Variants in VARS1 observed in about 807,000 individuals in gnomAD.
The protein encoded by VARS1 is valyl-tRNA synthetase 1.
VARS1 carries 92 observed loss-of-function variants against 161.0 expected under a neutral mutation model. The observed-to-expected ratio is 0.57, with a 90% CI of 0.48 to 0.68. VARS1 has a LOEUF of 0.68. VARS1 is among the 30% of genes least tolerant of loss of function. The probability of loss-of-function intolerance (pLI) is 0.00; values close to 1 mark genes in which losing one functional copy is unlikely to be tolerated. For missense variants in VARS1, 1,338 were observed against 1,695.9 expected, an observed-to-expected ratio of 0.79 and a Z score of 3.71; for synonymous variants, 595 against 682.5, an observed-to-expected ratio of 0.87 and a Z score of 2.00.
chr6:31,779,481 G>A lies in VARS1; in HGVS notation c.3344C>T (p.Thr1115Met), dbSNP rs373279419. Residue 1115 changes from threonine (T) to methionine (M), a missense_variant, in exon 28 of 30, where the codon ACG becomes ATG. Physicochemically the swap from Thr to Met is moderately conservative, Grantham distance 81. Transcript: ENST00000375663. The surrounding 1 kb of genome is among the most constrained non-coding windows in gnomAD (Gnocchi z 9.1). ...EAALELALSI[T>M]RAVRSLRADY... is the part of the protein sequence containing the mutation. Reference sequence around the variant, plus strand: ...GGCCCGCAGGGAGCGCACGGCTCGCGTGATGCTTAGCGCCAGCTCAAGGGC... The same window carrying A: ...GGCCCGCAGGGAGCGCACGGCTCGCATGATGCTTAGCGCCAGCTCAAGGGC... 5.0e-6 allele frequency: 8 copies of A among 1,612,704 alleles called. No individual in the cohort carries two copies. Among genetic ancestry groups the A allele is most frequent in the Middle Eastern group, 1.6e-4 (1 of 6,084 alleles).
chr6:31,790,025 G>C (rs186708406), intron 8 of VARS1, among the ~76,000 whole-genome samples: 1 of 150,454 alleles, frequency 6.6e-6, no homozygotes, highest in African/African-American at 2.4e-5. Context: ...TGCAAGACCC[G>C]TCTCAAAAAA....
chr6:31,786,669 A>T (rs1813531329), intron 8 of VARS1, among the ~76,000 whole-genome samples: 2 of 146,188 alleles, frequency 1.4e-5, no homozygotes, highest in Non-Finnish European at 3.1e-5. Context: ...CTGTCTCAAA[A>T]AAAAAAAAAA....
In VARS1 at chr6:31,782,802, T is replaced by A. The variant is rs1341102001; in HGVS notation, c.1806A>T (p.Glu602Asp). ...CCTCCAGCCCGTGCCGCTGCCCAAC[T>A]TCATAGTCATTTTGGTCATGTGCGG... ...ITPAHDQNDYEVGQRHGLEAI... is the reference protein window; with the variant it reads ...ITPAHDQNDYDVGQRHGLEAI... Residue 602 changes from glutamate to aspartate, a missense_variant, in exon 15 of 30, where the codon GAA becomes GAT. Around this residue, in one of 3 missense-constraint regions of VARS1, gnomAD observed 902 missense variants for 1,090.3 expected, o/e 0.83. Transcript: ENST00000375663. The surrounding 1 kb of genome is among the most constrained non-coding windows in gnomAD (Gnocchi z 8.3). The A allele has an allele frequency of 6.2e-7, 1 of 1,612,982 alleles. No homozygotes were observed. Among genetic ancestry groups the A allele is most frequent in the South Asian group, 1.1e-5 (1 of 91,070 alleles).
In VARS1 at chr6:31,791,692, A is replaced by C; in HGVS notation, c.1018T>G (p.Cys340Gly). The change falls in exon 8 of 30, where the codon TGC becomes GGC. Residue 340 changes from cysteine to glycine, a missense_variant. Transcript: ENST00000375663. The surrounding 1 kb of genome is among the most constrained non-coding windows in gnomAD (Gnocchi z 5.0). ...AANPRGVFMM[C>G]IPPPNVTGSL... is the part of the protein sequence containing the mutation. ...CCTGTCACATTGGGGGGTGGGATGC[A>C]CATCATGAAGACACCTCGGGGATTT... The C allele has an allele frequency of 6.2e-7, 1 of 1,613,084 alleles. No homozygotes were observed.
rs1020392629 is a variant in VARS1 at position 31,780,371 on chromosome 6, T to C, written c.2925+70A>G. The C allele has an allele frequency of 5.7e-6, 9 of 1,568,820 alleles. No homozygotes were observed. Among genetic ancestry groups the C allele is most frequent in the Non-Finnish European group, 7.8e-6 (9 of 1,156,718 alleles). ...GTGTCTATCTGTCCCCCCAGCTACA[T>C]GGAGGCTGCTCCGGACAGGGGTACA... On this transcript the variant is annotated intron_variant, in intron 25 of 29. Coordinates refer to ENST00000375663, the MANE Select transcript of VARS1 (RefSeq NM_006295.3). The surrounding 1 kb of genome is among the most constrained non-coding windows in gnomAD (Gnocchi z 5.1).
intron 8 of VARS1, among the ~76,000 whole-genome samples, chr6:31,786,550 C>G (rs1167759723): frequency 1.3e-5 from 2 of 151,126 alleles, no homozygotes; most frequent in African/African-American, 2.4e-5. Flanking sequence ...CCTGTAATCC[C>G]AGCTACTTGG....
At position 31,791,330 on chromosome 6, in the gene VARS1, G is replaced by A. The variant is rs1169061758; in HGVS notation, c.1100+280C>T. ...GTTGGAGACCAGACTGAGCAACAAA[G>A]TGAAAACTCATCTTTACAAAAAATT... On this transcript the variant is annotated intron_variant, in intron 8 of 29. Transcript: ENST00000375663. The surrounding 1 kb of genome is among the most constrained non-coding windows in gnomAD (Gnocchi z 5.0). Among the ~76,000 whole-genome samples the A allele has an allele frequency of 6.6e-6, 1 of 152,004 alleles. No homozygotes were observed. Among genetic ancestry groups the A allele is most frequent in the Non-Finnish European group, 1.5e-5 (1 of 67,976 alleles).
At chr6:31,786,756 A>G (rs1158513246) in intron 8 of VARS1, among the ~76,000 whole-genome samples, 1 of 151,934 alleles carries the variant, frequency 6.6e-6, no homozygotes, top group African/African-American at 2.4e-5. Flanking sequence ...ATAAGTTACT[A>G]AACAGGAACA....
Position 31,779,210 on chromosome 6 carries a change from A to C in VARS1, c.3483T>G (p.Gly1161=), listed in dbSNP as rs2151416912. The part of the protein sequence containing the change: ...SGYVQALASA[G]VVAVLALGAP... The stretch of plus-strand genomic sequence containing the variant: ...CCCCCAGGGCCAGAACAGCCACCAC[A>C]CCTGCGCTGGCCAGGGCCTGCACGT... Residue 1161 remains glycine (G), a synonymous_variant, in exon 29 of 30, where the codon GGT becomes GGG. Transcript: ENST00000375663. This position sits in a 1 kb window ranked among gnomAD's most constrained non-coding sequence, Gnocchi z 9.1. 1.9e-6 allele frequency: 3 copies of C among 1,607,168 alleles called. No individual in the cohort carries two copies. Among genetic ancestry groups the C allele is most frequent in the Non-Finnish European group, 2.5e-6 (3 of 1,178,746 alleles).
chr6:31,792,479 C>A lies in VARS1; in HGVS notation c.699G>T (p.Gln233His). Residue 233 changes from glutamine (Q) to histidine (H), a missense_variant, in exon 5 of 30, where the codon CAG becomes CAT. This residue lies in a region of VARS1 where 902 missense variants were observed against 1,090.3 expected (regional missense o/e 0.83). Coordinates refer to ENST00000375663, the MANE Select transcript of VARS1 (RefSeq NM_006295.3). The part of the protein sequence containing the change: ...EAPALPKTAA[Q>H]LKKEAKKREK... The stretch of plus-strand genomic sequence containing the variant: ...CCCGTTTCTTTGCCTCTTTCTTGAG[C>A]TGAGCAGCTGTCTTTGGGAGGGCAG... 6.2e-7 allele frequency: 1 copy of A among 1,613,988 alleles called. No homozygotes were observed. The highest frequency in any genetic ancestry group is 8.5e-7 in the Non-Finnish European group (1 of 1,179,998).
rs548042700 is a variant in VARS1 at position 31,779,233 on chromosome 6, C to T, written c.3460G>A (p.Val1154Met). The T allele has an allele frequency of 1.7e-5, 27 of 1,605,952 alleles. No homozygotes were observed. The highest frequency in any genetic ancestry group is 3.3e-5 in the Admixed American group (2 of 59,754). ...GALASAVSGY[V>M]QALASAGVVA... ...ACACCTGCGCTGGCCAGGGCCTGCA[C>T]GTAGCCCGACACCGCCGATGCCAGG... Residue 1154 changes from valine (V) to methionine (M), a missense_variant, in exon 29 of 30, where the codon GTG becomes ATG. Transcript: ENST00000375663. The surrounding 1 kb of genome is among the most constrained non-coding windows in gnomAD (Gnocchi z 9.1).
chr6:31,792,315 A>G lies in VARS1; in HGVS notation c.787-14T>C. On this transcript the variant is annotated splice_polypyrimidine_tract_variant and intron_variant, in intron 5 of 29. Transcript: ENST00000375663. ...TTTTGGTTTCTTCTGCTTGGGAGGG[A>G]GAAGACATAGGCCCAGGCATCAGCC... 2 of 1,613,094 alleles carry G rather than the reference A, an allele frequency of 1.2e-6. No homozygotes were observed. Among genetic ancestry groups the G allele is most frequent in the Middle Eastern group, 1.6e-4 (1 of 6,062 alleles).
At position 31,778,973 on chromosome 6, in the gene VARS1, T is replaced by G; in HGVS notation, c.3720A>C (p.Glu1240Asp). ...KVPLEVQEAD[E>D]AKLQQTEAEL... ...GCCCACCCAGGCCACACACCTTGGC[T>G]TCATCTGCCTCCTGGACTTCGAGCG... Residue 1240 changes from glutamate (E) to aspartate (D), a missense_variant, in exon 29 of 30, where the codon GAA becomes GAC. Physicochemically the swap from Glu to Asp is conservative, Grantham distance 45. This residue lies in a region of VARS1 where 433 missense variants were observed against 586.2 expected (regional missense o/e 0.74). Coordinates refer to ENST00000375663, the MANE Select transcript of VARS1 (RefSeq NM_006295.3). The surrounding 1 kb of genome is among the most constrained non-coding windows in gnomAD (Gnocchi z 5.1). 6.2e-7 allele frequency: 1 copy of G among 1,613,068 alleles called. No homozygotes were observed. Among genetic ancestry groups the G allele is most frequent in the Non-Finnish European group, 8.5e-7 (1 of 1,180,034 alleles).
chr6:31,781,805 GC>G lies in VARS1; in HGVS notation c.2347+41del, dbSNP rs543561819. On this transcript the variant is annotated intron_variant, in intron 19 of 29. Transcript: ENST00000375663. The surrounding 1 kb of genome is among the most constrained non-coding windows in gnomAD (Gnocchi z 6.8). The stretch of plus-strand genomic sequence containing the variant: ...CAGAGGTCAGAGGGAGTGGAGCTCT[GC>G]CCCCCACAACTCCCTCCAGACCCTC... 6.2e-7 allele frequency: 1 copy of G among 1,612,798 alleles called. No individual in the cohort carries two copies. Among genetic ancestry groups the G allele is most frequent in the African/African-American group, 1.3e-5 (1 of 74,910 alleles).
At chr6:31,789,209 A>C (rs1813712950) in intron 8 of VARS1, among the ~76,000 whole-genome samples, 2 of 152,154 alleles carry the variant, frequency 1.3e-5, no homozygotes, top group Admixed American at 6.6e-5. Context: ...CATTTACAAT[A>C]TTTAACAAAA....
In VARS1 at chr6:31,784,952, A is replaced by G. The variant is rs1813403691; in HGVS notation, c.1348-238T>C. Among the ~76,000 whole-genome samples, 1 of 152,178 alleles carries G rather than the reference A, an allele frequency of 6.6e-6. No homozygotes were observed. On this transcript the variant is annotated intron_variant, in intron 10 of 29. Transcript: ENST00000375663. This position sits in a 1 kb window ranked among gnomAD's most constrained non-coding sequence, Gnocchi z 6.1. ...CGAGGAAGACAATCAGCTGGGGACA[A>G]GTACTGGTGCAGAGGACACTGGGAG...
chr6:31,777,694 C>T lies in VARS1; in HGVS notation c.3727-32G>A. On this transcript the variant is annotated intron_variant, in intron 29 of 29. Transcript: ENST00000375663. This position sits in a 1 kb window ranked among gnomAD's most constrained non-coding sequence, Gnocchi z 5.8. ...TGGAACCAGGGGGTGGGTGAGGACC[C>T]AGGTCCAAGTGAAGAGACCCCCAAA... 6.2e-7 allele frequency: 1 copy of T among 1,605,754 alleles called. No homozygotes were observed. The highest frequency in any genetic ancestry group is 1.1e-5 in the South Asian group (1 of 89,762).
In VARS1 at chr6:31,785,393, TGGG is replaced by T; in HGVS notation, c.1266-69_1266-67del. 1 of 1,597,068 alleles carries T rather than the reference TGGG, an allele frequency of 6.3e-7. No individual in the cohort carries two copies. The highest frequency in any genetic ancestry group is 1.1e-5 in the South Asian group (1 of 90,110). On this transcript the variant is annotated intron_variant, in intron 9 of 29. Transcript: ENST00000375663. The surrounding 1 kb of genome is among the most constrained non-coding windows in gnomAD (Gnocchi z 6.1). ...TAGAGGGAGACATCAGGTGGCTGACTGGGCAGTGTGGAGATCACCCATCCCCCT... is the reference window on the plus strand; with the variant it reads ...TAGAGGGAGACATCAGGTGGCTGACTCAGTGTGGAGATCACCCATCCCCCT...
At position 31,782,886 on chromosome 6, in the gene VARS1, C is replaced by T. The variant is rs544674983; in HGVS notation, c.1763-41G>A. Reference sequence around the variant, plus strand: ...GATGCCCAGGTCATGAGGGACTCCACGGAGTTCCTTCCTACACTCACCTCT... The same window carrying T: ...GATGCCCAGGTCATGAGGGACTCCATGGAGTTCCTTCCTACACTCACCTCT... On this transcript the variant is annotated intron_variant, in intron 14 of 29. Coordinates refer to ENST00000375663, the MANE Select transcript of VARS1 (RefSeq NM_006295.3). This position sits in a 1 kb window ranked among gnomAD's most constrained non-coding sequence, Gnocchi z 8.3. 1.4e-5 allele frequency: 23 copies of T among 1,589,736 alleles called. No homozygotes were observed. In the Admixed American group the frequency reaches 1.9e-4, roughly 13 times the overall value.
Sources: allele counts gnomAD v4.1 joint callset (sites outside exome capture counted in the v4.1 genomes callset), GRCh38; gene constraint gnomAD v4.1.1; regional missense constraint gnomAD v4.1.1; non-coding constraint Gnocchi (gnomAD v3.1); transcripts MANE v1.5; gene names NCBI Gene and HGNC (gene_info 2026-07-23, HGNC 2026-07-21).